The following GNG4 variants were observed in gnomAD, a reference collection of about 807,000 sequenced individuals.
GNG4 encodes G protein subunit gamma 4, also known as guanine nucleotide-binding protein G(I)/G(S)/G(O) subunit gamma-4.
GNG4 carries 4 observed loss-of-function variants against 5.8 expected under a neutral mutation model. That is an observed-to-expected ratio of 0.69 (90% confidence interval 0.34 to 1.57). The LOEUF (loss-of-function observed/expected upper bound fraction) is 1.57, where lower values mean the gene tolerates loss of function less well. Ranked by LOEUF, GNG4 falls within the 40% of genes most tolerant of loss-of-function variation. The probability of loss-of-function intolerance (pLI) is 0.06; values close to 1 mark genes in which losing one functional copy is unlikely to be tolerated. For missense variants in GNG4, 96 were observed against 95.1 expected (o/e 1.01, Z -0.04); for synonymous variants, 29 against 32.9 (o/e 0.88, Z 0.41).
At chr1:235,587,481 T>G (rs1417078569) in intron 2 of GNG4, among the ~76,000 whole-genome samples, 1 of 744 alleles carries the variant, frequency 1.3e-3, no homozygotes, top group Non-Finnish European at 2.2e-3. Context: ...AGTGTGAGAG[T>G]GTGGATGGGG....
intron 3 of GNG4, among the ~76,000 whole-genome samples, chr1:235,582,611 T>C (rs1234090794): frequency 6.6e-6 from 1 of 152,206 alleles, no homozygotes; most frequent in Non-Finnish European, 1.5e-5. Context: ...CCCCTTTCTA[T>C]GCTATTGGGA....
chr1:235,639,809 G>C (rs1657264034), intron 1 of GNG4, among the ~76,000 whole-genome samples: 1 of 152,316 alleles, frequency 6.6e-6, no homozygotes, highest in South Asian at 2.1e-4. Flanking sequence ...GCCCCGCTCT[G>C]TGTTGTGTTA....
intron 2 of GNG4, among the ~76,000 whole-genome samples, chr1:235,587,919 A>AGTGTAAGTGTAT (rs71174444): frequency 6.7e-6 from 1 of 150,016 alleles, no homozygotes; most frequent in African/African-American, 2.5e-5. Flanking sequence ...TGTGGGTATA[A>AGTGTAAGTGTAT]GTGTGAGTCC....
chr1:235,562,218 T>G (rs1368642113), intron 3 of GNG4, among the ~76,000 whole-genome samples: 2 of 152,238 alleles, frequency 1.3e-5, no homozygotes, highest in African/African-American at 4.8e-5. Context: ...AGTTTTATAG[T>G]AAGTCTTTCA....
intron 1 of GNG4, among the ~76,000 whole-genome samples, chr1:235,607,851 T>C (rs4659949): frequency 0.085 from 12,954 of 151,908 alleles, 1,377 homozygotes; most frequent in East Asian, 0.47. Context: ...CTCACTTTAG[T>C]CCATTCTGAT....
At chr1:235,577,537 T>A (rs1687517439) in intron 3 of GNG4, among the ~76,000 whole-genome samples, 1 of 152,118 alleles carries the variant, frequency 6.6e-6, no homozygotes, top group South Asian at 2.1e-4. Flanking sequence ...GCCTCCTGGG[T>A]TCGAGTGATT....
At chr1:235,627,231 T>C (rs1571920861) in intron 1 of GNG4, among the ~76,000 whole-genome samples, 2 of 151,950 alleles carry the variant, frequency 1.3e-5, no homozygotes, top group East Asian at 3.9e-4. Context: ...TTGTTTGTTT[T>C]TGTTTTTTTG....
At chr1:235,573,905 C>T (rs1687414631) in intron 3 of GNG4, among the ~76,000 whole-genome samples, 1 of 152,110 alleles carries the variant, frequency 6.6e-6, no homozygotes, top group Admixed American at 6.5e-5. Context: ...GAGAATATTT[C>T]CTGACCTTGT....
At chr1:235,604,759 G>A (rs985239309) in intron 1 of GNG4, among the ~76,000 whole-genome samples, 2 of 152,106 alleles carry the variant, frequency 1.3e-5, no homozygotes, top group Non-Finnish European at 2.9e-5. Context: ...TGAAGTTCTG[G>A]ATATATATGA....
intron 1 of GNG4, among the ~76,000 whole-genome samples, chr1:235,597,628 G>GTATGTA (rs1553369063): frequency 1.4e-5 from 1 of 72,454 alleles, no homozygotes. Context: ...GTGTGTGTGT[G>GTATGTA]TATTTTTTTT....
At chr1:235,626,958 CAAAAAA>C (rs776506587) in intron 1 of GNG4, among the ~76,000 whole-genome samples, 24 of 77,378 alleles carry the variant, frequency 3.1e-4, no homozygotes, top group Non-Finnish European at 4.7e-4. Context: ...GACTCTATCT[CAAAAAA>C]AAAAAAAAAA....
chr1:235,573,112 T>A (rs1454828217), intron 3 of GNG4, among the ~76,000 whole-genome samples: 1 of 151,690 alleles, frequency 6.6e-6, no homozygotes, highest in Non-Finnish European at 1.5e-5. Flanking sequence ...ATTAAGAAAA[T>A]GTGGCACATA....
intron 3 of GNG4, among the ~76,000 whole-genome samples, chr1:235,568,817 TC>T (rs1687267794): frequency 6.6e-6 from 1 of 151,272 alleles, no homozygotes; most frequent in Non-Finnish European, 1.5e-5. Flanking sequence ...TTTTTTCTTC[TC>T]TTTTCTTCTT....
chr1:235,614,552 G>A (rs929831594), intron 1 of GNG4: 6 of 152,168 alleles, frequency 3.9e-5, no homozygotes, highest in African/African-American at 1.4e-4. Flanking sequence ...TCAGGGTTCA[G>A]GCAGATGGGT....
chr1:235,649,650 G>C lies in GNG4; in HGVS notation c.-123+12C>G, dbSNP rs911137587. Reference sequence around the variant, plus strand: ...CGCGGACACCCGGGGCTCCGGCCGGGCGCCCACTTACCCGGAGCGGGATCA... The same window carrying C: ...CGCGGACACCCGGGGCTCCGGCCGGCCGCCCACTTACCCGGAGCGGGATCA... On this transcript the variant is annotated intron_variant, in intron 1 of 3. Coordinates refer to ENST00000391854, the MANE Select transcript of GNG4 (RefSeq NM_001098722.2). The surrounding 1 kb of genome is among the most constrained non-coding windows in gnomAD (Gnocchi z 5.7). The C allele has an allele frequency of 1.3e-5, 2 of 152,154 alleles. No individual in the cohort carries two copies. Among genetic ancestry groups the C allele is most frequent in the African/African-American group, 4.8e-5 (2 of 41,444 alleles). 9.4% of individuals were successfully genotyped at this position (152,154 alleles called of 1,614,324 possible). A position where few individuals can be genotyped will look rare whatever the true frequency, so the allele number is the denominator to read the frequency against.
intron 3 of GNG4, among the ~76,000 whole-genome samples, chr1:235,570,646 C>G (rs1456492421): frequency 1.3e-5 from 2 of 151,802 alleles, no homozygotes; most frequent in African/African-American, 4.8e-5. Context: ...ATCCACTCCC[C>G]CTCTCAGCCT....
rs1004247858 is a variant in GNG4 at position 235,609,166 on chromosome 1, T to G, written c.-122-13655A>C. 2.6e-5 allele frequency among the ~76,000 whole-genome samples: 4 copies of G among 152,278 alleles called. No individual in the cohort carries two copies. The East Asian group carries it at 7.7e-4, about 29-fold the overall frequency. Reference sequence around the variant, plus strand: ...TCACTTAGTGTAATGTTTTCAGGATTCATGCATGTTGTAGCATGTATCAGT... The same window carrying G: ...TCACTTAGTGTAATGTTTTCAGGATGCATGCATGTTGTAGCATGTATCAGT... On this transcript the variant is annotated intron_variant, in intron 1 of 3. Coordinates refer to ENST00000391854, the MANE Select transcript of GNG4 (RefSeq NM_001098722.2).
At chr1:235,591,536 C>T (rs765064829) in intron 2 of GNG4, among the ~76,000 whole-genome samples, 3 of 152,196 alleles carry the variant, frequency 2.0e-5, no homozygotes, top group Non-Finnish European at 4.4e-5. Flanking sequence ...GAATAACGCC[C>T]CTGCCTTTCT....
At chr1:235,569,780 G>A (rs1687289613) in intron 3 of GNG4, among the ~76,000 whole-genome samples, 1 of 151,958 alleles carries the variant, frequency 6.6e-6, no homozygotes, top group Non-Finnish European at 1.5e-5. Context: ...TGGCCAGGCT[G>A]GTCTCGAACT....
Sources: gnomAD v4.1 joint callset for allele counts (sites outside exome capture counted in the v4.1 genomes callset) on GRCh38, gnomAD v4.1.1 for gene constraint, Gnocchi (gnomAD v3.1) non-coding constraint, MANE v1.5 for transcripts, NCBI Gene and HGNC (gene_info 2026-07-23, HGNC 2026-07-21) for gene names.